CRPPA: variants seen among roughly 807,000 people sequenced by gnomAD.
CRPPA encodes the protein CDP-L-ribitol pyrophosphorylase A, also known as D-ribitol-5-phosphate cytidylyltransferase.
A neutral mutation model predicts 52.0 loss-of-function variants in CRPPA; 43 were observed. The ratio of observed to expected loss-of-function variants is 0.83; its 90% CI spans 0.65 to 1.07. CRPPA has a LOEUF of 1.07. CRPPA is among the 50% of genes least tolerant of loss of function. The pLI is 0.00. For synonymous variants in CRPPA, 250 were observed against 203.5 expected (o/e 1.23, Z -1.94); for missense variants, 629 against 551.7 (o/e 1.14, Z -1.40).
chr7:16,346,162 C>A (rs1786009236), intron 3 of CRPPA, among the ~76,000 whole-genome samples: 1 of 152,108 alleles, frequency 6.6e-6, no homozygotes, highest in African/African-American at 2.4e-5. Context: ...TGCCATTGCT[C>A]AGCCCTGAGG....
intron 9 of CRPPA, among the ~76,000 whole-genome samples, chr7:16,211,527 G>A (rs1782140146): frequency 6.6e-6 from 1 of 152,108 alleles, no homozygotes; most frequent in Non-Finnish European, 1.5e-5. Context: ...CCAAGTAATT[G>A]TTCATTGCAG....
chr7:16,216,028 T>C lies in CRPPA; in HGVS notation c.1251+38A>G, dbSNP rs768745672. 39 of 1,497,206 alleles carry C rather than the reference T, an allele frequency of 2.6e-5. No homozygotes were observed. The East Asian group carries it at 8.2e-4, about 31-fold the overall frequency. 92.7% of individuals were successfully genotyped at this position (1,497,206 alleles called of 1,614,324 possible). ...CAGATACCTACCATTAAAACTAGTCTACAGAACATACATTCGGAAGATAAA... is the reference window on the plus strand; with the variant it reads ...CAGATACCTACCATTAAAACTAGTCCACAGAACATACATTCGGAAGATAAA... On this transcript the variant is annotated intron_variant, in intron 9 of 9. Transcript: ENST00000407010.
rs961250455 is a variant in CRPPA, at chr7:16,269,868, T to C, written c.933+8261A>G. 3 of 152,142 alleles carry C rather than the reference T, an allele frequency of 2.0e-5. No homozygotes were observed. The South Asian group carries it at 6.2e-4, about 31-fold the overall frequency. The allele number at this position is 152,142 out of a possible 1,614,324, so 9.4% of individuals were successfully genotyped here. A position where few individuals can be genotyped will look rare whatever the true frequency, so the allele number is the denominator to read the frequency against. On this transcript the variant is annotated intron_variant, in intron 6 of 9. Coordinates refer to ENST00000407010, the MANE Select transcript of CRPPA (RefSeq NM_001101426.4). ...TAGGGATAACATAAGCACAAAATGA[T>C]GCTTTGCAAACATCATGTATCCTAT...
intron 3 of CRPPA, among the ~76,000 whole-genome samples, chr7:16,337,908 C>T (rs563104440): frequency 2.4e-4 from 36 of 152,264 alleles, no homozygotes; most frequent in African/African-American, 8.2e-4. Context: ...TTGAATTCCA[C>T]CGTACATTTA....
intron 8 of CRPPA, among the ~76,000 whole-genome samples, chr7:16,254,838 AAAGAAAGAG>A (rs1783586601): frequency 2.0e-5 from 3 of 150,390 alleles, no homozygotes; most frequent in Non-Finnish European, 4.5e-5. Flanking sequence ...AGAAAGAAAG[AAAGAAAGAG>A]AAAGAAGAAA....
At chr7:16,106,315 G>T (rs1183106086) in intron 9 of CRPPA, among the ~76,000 whole-genome samples, 1 of 152,184 alleles carries the variant, frequency 6.6e-6, no homozygotes, top group East Asian at 1.9e-4. Context: ...CTTCTGACCT[G>T]TGCTGAGCAG....
chr7:16,271,126 G>A (rs543224758), intron 6 of CRPPA, among the ~76,000 whole-genome samples: 3 of 152,140 alleles, frequency 2.0e-5, no homozygotes, highest in South Asian at 2.1e-4. Context: ...ATTAAATTAC[G>A]TCCTCCAGGA....
intron 8 of CRPPA, among the ~76,000 whole-genome samples, chr7:16,252,718 G>A (rs1189139734): frequency 6.6e-6 from 1 of 152,194 alleles, no homozygotes; most frequent in African/African-American, 2.4e-5. Flanking sequence ...GAATTCGGCT[G>A]TGAATCGGTC....
intron 3 of CRPPA, among the ~76,000 whole-genome samples, chr7:16,372,312 A>G (rs2128311347): frequency 6.6e-6 from 1 of 152,336 alleles, no homozygotes; most frequent in Non-Finnish European, 1.5e-5. Context: ...GCATCAGGTA[A>G]CCTACAAAGG....
chr7:16,345,583 A>C (rs928715489), intron 3 of CRPPA, among the ~76,000 whole-genome samples: 1 of 152,200 alleles, frequency 6.6e-6, no homozygotes, highest in Non-Finnish European at 1.5e-5. Flanking sequence ...ACAACACAGC[A>C]CACAGGAAAG....
intron 9 of CRPPA, among the ~76,000 whole-genome samples, chr7:16,197,754 C>T (rs1218680554): frequency 2.7e-5 from 4 of 150,554 alleles, no homozygotes; most frequent in Non-Finnish European, 4.4e-5. Flanking sequence ...CAGATTGTTA[C>T]TGTGTCTGTG....
At chr7:16,103,138 T>C (rs1782082340) in intron 9 of CRPPA, among the ~76,000 whole-genome samples, 2 of 152,072 alleles carry the variant, frequency 1.3e-5, no homozygotes, top group African/African-American at 4.8e-5. Flanking sequence ...AAAAGAATGA[T>C]ATTATGTCCT....
At chr7:16,141,099 A>G (rs780223831) in intron 9 of CRPPA, among the ~76,000 whole-genome samples, 2 of 152,126 alleles carry the variant, frequency 1.3e-5, no homozygotes, top group Non-Finnish European at 2.9e-5. Context: ...TCAAGAAACT[A>G]TTGCCCTCTG....
At chr7:16,221,421 C>T (rs1455662228) in intron 8 of CRPPA, among the ~76,000 whole-genome samples, 1 of 152,192 alleles carries the variant, frequency 6.6e-6, no homozygotes, top group Non-Finnish European at 1.5e-5. Flanking sequence ...ACAGCAATGG[C>T]AACAAAAGCC....
chr7:16,168,226 T>C (rs1049282873), intron 9 of CRPPA, among the ~76,000 whole-genome samples: 11 of 152,198 alleles, frequency 7.2e-5, no homozygotes, highest in Non-Finnish European at 1.0e-4. Context: ...AGATAATTCA[T>C]GTTCATTGCC....
Position 16,275,351 on chromosome 7 carries a change from C to A in CRPPA, c.933+2778G>T, listed in dbSNP as rs190585745. ...GATAACTGGGGGTCTGGGTCCAAAGCACATTCAAAACCAATAAACAGAAGC... is the reference window on the plus strand; with the variant it reads ...GATAACTGGGGGTCTGGGTCCAAAGAACATTCAAAACCAATAAACAGAAGC... On this transcript the variant is annotated intron_variant, in intron 6 of 9. Transcript: ENST00000407010. 1.0e-3 allele frequency among the ~76,000 whole-genome samples: 157 copies of A among 152,178 alleles called. 1 individual carries two copies. The highest frequency in any genetic ancestry group is 3.6e-3 in the African/African-American group (148 of 41,512).
intron 8 of CRPPA, among the ~76,000 whole-genome samples, chr7:16,254,792 GGAAAGAAAGAAAGAAAGAAA>G (rs56908194): frequency 3.0e-3 from 301 of 101,748 alleles, no homozygotes; most frequent in Middle Eastern, 9.4e-3. Context: ...AAAGAAAGAA[GGAAAGAAAGAAAGAAAGAAA>G]GAAAGAAAGA....
Position 16,368,037 on chromosome 7 carries a change from C to G in CRPPA, c.684+8055G>C, listed in dbSNP as rs1786655205. Among the ~76,000 whole-genome samples, 3 of 152,256 alleles carry G rather than the reference C, an allele frequency of 2.0e-5. No individual in the cohort carries two copies. In the South Asian group the frequency reaches 6.2e-4, roughly 32 times the overall value. The stretch of plus-strand genomic sequence containing the variant: ...TCTAAAATTCTCTATGTACAAAAAC[C>G]TTGTGTTAGAATCAAGGCCAGGTCT... On this transcript the variant is annotated intron_variant, in intron 3 of 9. Transcript: ENST00000407010.
At chr7:16,115,497 A>G (rs1782352020) in intron 9 of CRPPA, among the ~76,000 whole-genome samples, 1 of 152,220 alleles carries the variant, frequency 6.6e-6, no homozygotes, top group African/African-American at 2.4e-5. Flanking sequence ...GTGTCTAGAA[A>G]TAGATATATT....
Sources: gnomAD v4.1 joint callset for allele counts (sites outside exome capture counted in the v4.1 genomes callset) on GRCh38, gnomAD v4.1.1 for gene constraint, MANE v1.5 for transcripts, NCBI Gene and HGNC (gene_info 2026-07-23, HGNC 2026-07-21) for gene names.